OSBP2: variants seen among roughly 807,000 people sequenced by gnomAD.
OSBP2 encodes the protein oxysterol-binding protein 2.
In OSBP2, 66 loss-of-function variants were observed where a neutral mutation model predicts 96.0. The observed-to-expected ratio is 0.69, with a 90% CI of 0.56 to 0.84. The LOEUF (loss-of-function observed/expected upper bound fraction) is 0.84. Ranked by LOEUF, OSBP2 falls within the 40% of genes least tolerant of loss-of-function variation. OSBP2 has a pLI of 0.00. For missense variants in OSBP2, 1,038 were observed against 1,222.7 expected (o/e 0.85, Z 2.25); for synonymous variants, 525 against 520.9 (o/e 1.01, Z -0.11).
chr22:30,778,124 A>G (rs1054155858), intron 2 of OSBP2, among the ~76,000 whole-genome samples: 2 of 144,552 alleles, frequency 1.4e-5, no homozygotes, highest in Admixed American at 1.4e-4. Context: ...CCTCCCAAGT[A>G]GCTGGGACCA....
intron 2 of OSBP2, among the ~76,000 whole-genome samples, chr22:30,833,279 G>T (rs1478214706): frequency 6.6e-6 from 1 of 152,156 alleles, no homozygotes; most frequent in Non-Finnish European, 1.5e-5. Context: ...TCACCGTTTG[G>T]CTGTTAAAAT....
rs757443591 is a variant in OSBP2, at chr22:30,905,903, C to T, written c.2442C>T (p.Gly814=). The T allele has an allele frequency of 1.2e-6, 2 of 1,613,142 alleles. No homozygotes were observed. Among genetic ancestry groups the T allele is most frequent in the Non-Finnish European group, 1.7e-6 (2 of 1,179,686 alleles). The change falls in exon 13 of 14, where the codon GGC becomes GGT. Residue 814 remains glycine (G), a synonymous_variant. Transcript: ENST00000332585. The stretch of plus-strand genomic sequence containing the variant: ...TGACCCTCAACGAGCACGAGGAGGG[C>T]GTAGCGCCAACCGACAGCCGCCTGC... The part of the protein sequence containing the change: ...LALTLNEHEE[G]VAPTDSRLRP...
chr22:30,887,992 C>T (rs8140448), intron 4 of OSBP2, among the ~76,000 whole-genome samples: 28,191 of 151,986 alleles, frequency 0.19, 3,370 homozygotes, highest in Non-Finnish European at 0.27. Flanking sequence ...GTTGAGAGAT[C>T]GGGGGGGCTT....
At chr22:30,736,459 C>T (rs2089856995) in intron 1 of OSBP2, among the ~76,000 whole-genome samples, 1 of 152,180 alleles carries the variant, frequency 6.6e-6, no homozygotes, top group Non-Finnish European at 1.5e-5. Flanking sequence ...CCTTGAGTGA[C>T]ATTGGGAATA....
At chr22:30,888,643 G>A (rs557721922) in intron 5 of OSBP2, among the ~76,000 whole-genome samples, 47 of 152,104 alleles carry the variant, frequency 3.1e-4, no homozygotes, top group Non-Finnish European at 6.0e-4. Flanking sequence ...TGGGAGGGTC[G>A]CTTGAGCCCA....
intron 2 of OSBP2, among the ~76,000 whole-genome samples, chr22:30,789,136 A>G (rs2090637592): frequency 2.0e-5 from 3 of 152,334 alleles, no homozygotes; most frequent in Non-Finnish European, 4.4e-5. Flanking sequence ...CTCGGAGACC[A>G]TGTCCCTGCA....
At chr22:30,827,080 A>T (rs1371782642) in intron 2 of OSBP2, among the ~76,000 whole-genome samples, 1 of 152,016 alleles carries the variant, frequency 6.6e-6, no homozygotes, top group Non-Finnish European at 1.5e-5. Context: ...GTATTGGAGG[A>T]TGAGTAAGTG....
intron 2 of OSBP2, among the ~76,000 whole-genome samples, chr22:30,860,386 C>T (rs907921167): frequency 6.6e-6 from 1 of 152,156 alleles, no homozygotes; most frequent in Non-Finnish European, 1.5e-5. Context: ...AGGTGGGTCC[C>T]TGGTCTTAAC....
intron 12 of OSBP2, among the ~76,000 whole-genome samples, chr22:30,901,860 C>A (rs77656001): frequency 0.026 from 3,895 of 151,878 alleles, 155 homozygotes; most frequent in African/African-American, 0.088. Context: ...GAAATTCTGT[C>A]CCCCCACAAA....
intron 3 of OSBP2, among the ~76,000 whole-genome samples, chr22:30,874,159 C>T (rs2039524496): frequency 6.6e-6 from 1 of 152,204 alleles, no homozygotes; most frequent in Non-Finnish European, 1.5e-5. Context: ...ATCACTTGAA[C>T]CCAGGAGGCA....
chr22:30,762,559 A>G (rs1003486748), intron 2 of OSBP2, among the ~76,000 whole-genome samples: 2 of 152,104 alleles, frequency 1.3e-5, no homozygotes, highest in African/African-American at 4.8e-5. Flanking sequence ...AAAAAATGCA[A>G]TTTTGATTTA....
chr22:30,846,405 C>T (rs1196717256), intron 2 of OSBP2, among the ~76,000 whole-genome samples: 2 of 152,142 alleles, frequency 1.3e-5, no homozygotes, highest in Non-Finnish European at 2.9e-5. Context: ...CCCGCCTTGG[C>T]CTCCCAAAGT....
At chr22:30,803,594 G>T (rs1229301943) in intron 2 of OSBP2, among the ~76,000 whole-genome samples, 1 of 152,220 alleles carries the variant, frequency 6.6e-6, no homozygotes, top group Non-Finnish European at 1.5e-5. Context: ...CCATCTTTTA[G>T]CAGGGGAAGG....
upstream of OSBP2, chr22:30,694,121 C>T (rs1373709732): frequency 3.9e-6 from 6 of 1,549,190 alleles, no homozygotes; most frequent in South Asian, 4.8e-5. Flanking sequence ...CCAGGGATCC[C>T]GGGAGGTCCA....
chr22:30,784,239 G>GATTTATTTATTTATTT (rs113982370), intron 2 of OSBP2, among the ~76,000 whole-genome samples: 1 of 149,136 alleles, frequency 6.7e-6, no homozygotes, highest in African/African-American at 2.6e-5. Context: ...CAACAAGTGT[G>GATTTATTTATTTATTT]ATTTATTTAT....
At chr22:30,822,604 C>T (rs1360136668) in intron 2 of OSBP2, 2 of 1,525,272 alleles carry the variant, frequency 1.3e-6, no homozygotes, top group Non-Finnish European at 1.8e-6. Context: ...AGCGCCCCGC[C>T]GATTGGAGGC....
chr22:30,719,428 G>A (rs1294054994), intron 1 of OSBP2, among the ~76,000 whole-genome samples: 1 of 152,026 alleles, frequency 6.6e-6, no homozygotes, highest in Non-Finnish European at 1.5e-5. Flanking sequence ...GTTGCCTGGT[G>A]TGGTGGCAGA....
intron 2 of OSBP2, among the ~76,000 whole-genome samples, chr22:30,779,893 C>T (rs2090492835): frequency 6.6e-6 from 1 of 152,154 alleles, no homozygotes; most frequent in African/African-American, 2.4e-5. Flanking sequence ...CCCTGGCCCA[C>T]CTGGGCAGCC....
chr22:30,729,989 C>T (rs957694274), intron 1 of OSBP2, among the ~76,000 whole-genome samples: 1 of 151,818 alleles, frequency 6.6e-6, no homozygotes, highest in African/African-American at 2.4e-5. Context: ...GATGGAGTCT[C>T]CCTCTGTCAC....
Sources: allele counts gnomAD v4.1 joint callset (sites outside exome capture counted in the v4.1 genomes callset), GRCh38; gene constraint gnomAD v4.1.1; transcripts MANE v1.5; gene names NCBI Gene and HGNC (gene_info 2026-07-23, HGNC 2026-07-21).